The following EFCAB6 variants were observed in gnomAD, a reference collection of about 807,000 sequenced individuals.
The protein encoded by EFCAB6 is EF-hand calcium binding domain 6, also known as EF-hand calcium-binding domain-containing protein 6.
A neutral mutation model predicts 169.8 loss-of-function variants in EFCAB6; 156 were observed. That is an observed-to-expected ratio of 0.92 (90% CI 0.81 to 1.05). The LOEUF (loss-of-function observed/expected upper bound fraction) is 1.05. Among genes scored for constraint, EFCAB6 ranks in the 50% least tolerant of loss-of-function variants. EFCAB6 has a pLI of 0.00. For missense variants in EFCAB6, 1,800 were observed against 1,829.1 expected, an observed-to-expected ratio of 0.98 and a Z score of 0.29; for synonymous variants, 698 against 676.4, an observed-to-expected ratio of 1.03 and a Z score of -0.50.
Position 43,578,883 on chromosome 22 carries a change from C to T in EFCAB6, c.3228+1581G>A, listed in dbSNP as rs547546740. On this transcript the variant is annotated intron_variant, in intron 25 of 31. Coordinates refer to ENST00000262726, the MANE Select transcript of EFCAB6 (RefSeq NM_022785.4). ...CCCTACACGCAGGCATCATTGTCTACATGCAAGCATCATTCCATACGTATA... is the reference window on the plus strand; with the variant it reads ...CCCTACACGCAGGCATCATTGTCTATATGCAAGCATCATTCCATACGTATA... Among the ~76,000 whole-genome samples the T allele has an allele frequency of 4.8e-3, 719 of 151,052 alleles. 4 individuals are homozygous for T. The highest frequency in any genetic ancestry group is 7.6e-3 in the Non-Finnish European group (515 of 67,798).
At chr22:43,781,211 G>C (rs1391250453) in intron 3 of EFCAB6, among the ~76,000 whole-genome samples, 2 of 152,156 alleles carry the variant, frequency 1.3e-5, no homozygotes, top group Admixed American at 6.5e-5. Flanking sequence ...TTTTAAAACT[G>C]GTAAGAACTC....
intron 24 of EFCAB6, among the ~76,000 whole-genome samples, chr22:43,585,612 T>G (rs1214075366): frequency 6.6e-6 from 1 of 151,780 alleles, no homozygotes; most frequent in East Asian, 1.9e-4. Context: ...GGTAGAAACA[T>G]TCCCAAAATT....
At chr22:43,590,537 T>G (rs1046719482) in intron 23 of EFCAB6, among the ~76,000 whole-genome samples, 1 of 152,142 alleles carries the variant, frequency 6.6e-6, no homozygotes, top group African/African-American at 2.4e-5. Context: ...AGCCAGTGGT[T>G]TTACATATAG....
intron 20 of EFCAB6, among the ~76,000 whole-genome samples, chr22:43,617,852 C>T (rs1006641639): frequency 6.6e-6 from 1 of 151,956 alleles, no homozygotes; most frequent in African/African-American, 2.4e-5. Flanking sequence ...GCCTGTAATC[C>T]CAGCACTTTG....
chr22:43,624,113 C>T (rs979747088), intron 20 of EFCAB6, among the ~76,000 whole-genome samples: 2 of 152,092 alleles, frequency 1.3e-5, no homozygotes, highest in African/African-American at 4.8e-5. Flanking sequence ...AGCCCGCACT[C>T]CTTCATCTGT....
intron 17 of EFCAB6, among the ~76,000 whole-genome samples, chr22:43,657,099 G>A (rs1315663075): frequency 6.6e-6 from 1 of 151,412 alleles, no homozygotes; most frequent in Non-Finnish European, 1.5e-5. Context: ...AGACCAGCCT[G>A]TGCAACTTGG....
At chr22:43,754,872 T>C (rs947521508) in intron 6 of EFCAB6, among the ~76,000 whole-genome samples, 1 of 152,188 alleles carries the variant, frequency 6.6e-6, no homozygotes, top group Admixed American at 6.5e-5. Context: ...TCTTGCAGAA[T>C]AACAAATGGG....
At chr22:43,742,970 A>C (rs2060427858) in intron 6 of EFCAB6, among the ~76,000 whole-genome samples, 1 of 152,214 alleles carries the variant, frequency 6.6e-6, no homozygotes. Context: ...TGGGGAAGGC[A>C]AGACAGAAAA....
intron 24 of EFCAB6, among the ~76,000 whole-genome samples, 186 bp downstream of exon 24, chr22:43,589,888 G>C (rs535699866): frequency 6.6e-5 from 10 of 152,168 alleles, no homozygotes; most frequent in Non-Finnish European, 1.2e-4. Flanking sequence ...GCATTTGTCA[G>C]GGGGCTTTCT....
intron 26 of EFCAB6, among the ~76,000 whole-genome samples, chr22:43,571,172 C>G (rs1165479638): frequency 6.6e-6 from 1 of 152,168 alleles, no homozygotes; most frequent in Non-Finnish European, 1.5e-5. Flanking sequence ...GATTTGATGG[C>G]ATACCCAATA....
chr22:43,769,467 G>A (rs1207277372), intron 4 of EFCAB6, among the ~76,000 whole-genome samples: 1 of 152,134 alleles, frequency 6.6e-6, no homozygotes, highest in African/African-American at 2.4e-5. Flanking sequence ...CATGTTTAAA[G>A]GGTGAATTTT....
In EFCAB6 at chr22:43,735,654, C is replaced by T. The variant is rs371669736; in HGVS notation, c.644+203G>A. 1.8e-4 allele frequency among the ~76,000 whole-genome samples: 27 copies of T among 152,230 alleles called. No individual in the cohort carries two copies. The East Asian group carries it at 5.0e-3, about 28-fold the overall frequency. ...CCAAGGGTGCTTAAGGAATGAGAAC[C>T]ATTAGCTCTCATTTTTGAGAATGCA... On this transcript the variant is annotated intron_variant, in intron 7 of 31. Transcript: ENST00000262726.
chr22:43,674,591 G>A (rs1478808984), intron 13 of EFCAB6, among the ~76,000 whole-genome samples: 2 of 152,220 alleles, frequency 1.3e-5, no homozygotes, highest in African/African-American at 4.8e-5. Context: ...CTGGAAAGGT[G>A]AAGGCATGAA....
chr22:43,645,140 G>A (rs1247424435), intron 17 of EFCAB6, among the ~76,000 whole-genome samples: 1 of 152,126 alleles, frequency 6.6e-6, no homozygotes, highest in Non-Finnish European at 1.5e-5. Flanking sequence ...TGTGGCAACA[G>A]GGAGTTTCCT....
chr22:43,596,214 C>T (rs1453585130), intron 23 of EFCAB6, among the ~76,000 whole-genome samples: 1 of 152,072 alleles, frequency 6.6e-6, no homozygotes, highest in Non-Finnish European at 1.5e-5. Context: ...TTTACCACTT[C>T]TATTCAACAC....
chr22:43,567,876 C>T (rs569687766), intron 26 of EFCAB6, among the ~76,000 whole-genome samples: 1 of 152,278 alleles, frequency 6.6e-6, no homozygotes, highest in South Asian at 2.1e-4. Context: ...TCCTGCCAGC[C>T]GGTGCTGGAA....
intron 8 of EFCAB6, among the ~76,000 whole-genome samples, chr22:43,722,421 C>T (rs904211751): frequency 1.3e-5 from 2 of 151,796 alleles, no homozygotes; most frequent in Non-Finnish European, 2.9e-5. Context: ...ATCCCAGCTA[C>T]TCAGGAGGCT....
At chr22:43,574,089 G>T (rs930435089) in intron 26 of EFCAB6, among the ~76,000 whole-genome samples, 1 of 151,880 alleles carries the variant, frequency 6.6e-6, no homozygotes, top group Non-Finnish European at 1.5e-5. Flanking sequence ...TGTAGATAGA[G>T]ATTTACATGC....
At position 43,632,241 on chromosome 22, in the gene EFCAB6, G is replaced by A. The variant is rs866710887; in HGVS notation, c.2099-3C>T. ...TTCCGGCCCTCTCATTGGAGGATCT[G>A]GAACAATTACAAAGATCGGGGTTTC... is the stretch of plus-strand genomic sequence containing the variant. On this transcript the variant is annotated splice_polypyrimidine_tract_variant and splice_region_variant and intron_variant, in intron 18 of 31. Coordinates refer to ENST00000262726, the MANE Select transcript of EFCAB6 (RefSeq NM_022785.4). 1 of 1,609,206 alleles carries A rather than the reference G, an allele frequency of 6.2e-7. No individual in the cohort carries two copies. The highest frequency in any genetic ancestry group is 8.5e-7 in the Non-Finnish European group (1 of 1,177,556).
Sources: allele counts gnomAD v4.1 joint callset (sites outside exome capture counted in the v4.1 genomes callset), GRCh38; gene constraint gnomAD v4.1.1; transcripts MANE v1.5; gene names NCBI Gene and HGNC (gene_info 2026-07-23, HGNC 2026-07-21).